Variants in FRMD4B observed in about 807,000 individuals in gnomAD.
FRMD4B encodes FERM domain containing 4B.
In FRMD4B, 74 loss-of-function variants were observed where a neutral mutation model predicts 141.5. The observed-to-expected ratio is 0.52, with a 90% confidence interval of 0.43 to 0.63. The LOEUF is 0.63. Among genes scored for constraint, FRMD4B ranks in the 30% least tolerant of loss-of-function variants. The pLI is 0.00. For missense variants in FRMD4B, 1,366 were observed against 1,253.4 expected (o/e 1.09, Z -1.36); for synonymous variants, 506 against 467.9 (o/e 1.08, Z -1.05).
At chr3:69,455,272 A>G (rs758931522) in intron 1 of FRMD4B, among the ~76,000 whole-genome samples, 2 of 152,230 alleles carry the variant, frequency 1.3e-5, no homozygotes, top group Non-Finnish European at 2.9e-5. Context: ...CACAGCAGTG[A>G]TAGGTTCAGG....
rs1487852560 is a variant in FRMD4B, at chr3:69,199,959, C to T, written c.877-1185G>A. Among the ~76,000 whole-genome samples the T allele has an allele frequency of 6.1e-5, 9 of 146,846 alleles. No individual in the cohort carries two copies. In the Admixed American group the frequency reaches 6.4e-4, roughly 10 times the overall value. ...TTCATGGTCAAATTCCTCTTCTCTGCCCCCAGACTTGATTAGGGAAATAAC... is the reference window on the plus strand; with the variant it reads ...TTCATGGTCAAATTCCTCTTCTCTGTCCCCAGACTTGATTAGGGAAATAAC... On this transcript the variant is annotated intron_variant, in intron 11 of 22. Coordinates refer to ENST00000398540, the MANE Select transcript of FRMD4B (RefSeq NM_015123.3).
chr3:69,376,875 A>G (rs1703986101), intron 1 of FRMD4B: 1 of 152,136 alleles, frequency 6.6e-6, no homozygotes, highest in Non-Finnish European at 1.5e-5. Flanking sequence ...TGGGACAACA[A>G]AAATATAATG....
intron 1 of FRMD4B, among the ~76,000 whole-genome samples, chr3:69,473,272 A>G (rs1166278751): frequency 6.6e-6 from 1 of 152,114 alleles, no homozygotes; most frequent in African/African-American, 2.4e-5. Context: ...GACAAGGGTG[A>G]GGTCAGGTGC....
At chr3:69,355,723 C>A (rs543089252) in intron 1 of FRMD4B, among the ~76,000 whole-genome samples, 238 of 152,038 alleles carry the variant, frequency 1.6e-3, no homozygotes, top group Admixed American at 4.3e-3. Context: ...TGGAGTCTAC[C>A]AGGAGTATTA....
intron 1 of FRMD4B, among the ~76,000 whole-genome samples, chr3:69,368,080 G>A (rs1383246635): frequency 6.6e-6 from 1 of 151,894 alleles, no homozygotes; most frequent in African/African-American, 2.4e-5. Context: ...CGTGGCCAAG[G>A]CCTTTTTCTA....
At position 69,196,892 on chromosome 3, in the gene FRMD4B, T is replaced by C. The variant is rs775844138; in HGVS notation, c.1092+8A>G. ...TCTGTCCCTATAGAAATGATGCCAGTTACTTACTTTGCTTTGCTTCCGGTC... is the reference window on the plus strand; with the variant it reads ...TCTGTCCCTATAGAAATGATGCCAGCTACTTACTTTGCTTTGCTTCCGGTC... On this transcript the variant is annotated splice_region_variant and intron_variant, in intron 13 of 22. Coordinates refer to ENST00000398540, the MANE Select transcript of FRMD4B (RefSeq NM_015123.3). 5.0e-6 allele frequency: 8 copies of C among 1,603,662 alleles called. No homozygotes were observed. The African/African-American group carries it at 5.4e-5, about 11-fold the overall frequency.
chr3:69,298,416 G>T (rs1051193772), intron 4 of FRMD4B, among the ~76,000 whole-genome samples: 23 of 152,302 alleles, frequency 1.5e-4, no homozygotes, highest in African/African-American at 4.6e-4. Context: ...AACTGGTCTT[G>T]CTGTGCCCTC....
At chr3:69,402,363 G>A (rs7643187) in intron 2 of FRMD4B, among the ~76,000 whole-genome samples, 9,371 of 152,240 alleles carry the variant, frequency 0.062, 883 homozygotes, top group African/African-American at 0.2. Flanking sequence ...ATGAGAAACT[G>A]GAGCCTTCAA....
At chr3:69,253,226 G>A (rs1406632850) in intron 5 of FRMD4B, among the ~76,000 whole-genome samples, 1 of 142,992 alleles carries the variant, frequency 7.0e-6, no homozygotes, top group Non-Finnish European at 1.5e-5. Context: ...GAGGCAATGA[G>A]GATCAGGAAG....
rs1704145055 is a variant in FRMD4B, at chr3:69,382,691, A to G, written c.162+3137T>C. 2.0e-5 allele frequency among the ~76,000 whole-genome samples: 3 copies of G among 151,390 alleles called. No individual in the cohort carries two copies. The South Asian group carries it at 6.3e-4, about 32-fold the overall frequency. ...AGTGCATGGCATCAGGAGTGGGTAC[A>G]GACCCTAAATTGGAGTTCCAGCATG... On this transcript the variant is annotated intron_variant, in intron 1 of 22. Transcript: ENST00000398540.
At chr3:69,316,025 A>G (rs1701794282) in intron 1 of FRMD4B, among the ~76,000 whole-genome samples, 1 of 152,232 alleles carries the variant, frequency 6.6e-6, no homozygotes, top group Admixed American at 6.5e-5. Flanking sequence ...ATCCCCATTT[A>G]ACAGCTAAAT....
chr3:69,455,048 T>C (rs1270596784), intron 1 of FRMD4B, among the ~76,000 whole-genome samples: 2 of 152,188 alleles, frequency 1.3e-5, no homozygotes, highest in African/African-American at 4.8e-5. Context: ...TATGTCTAGC[T>C]AAAGGATTGT....
intron 21 of FRMD4B, among the ~76,000 whole-genome samples, chr3:69,180,117 C>G (rs1221603915): frequency 6.6e-6 from 1 of 152,026 alleles, no homozygotes; most frequent in Non-Finnish European, 1.5e-5. Context: ...TATGCATGGC[C>G]AGGCACTGCG....
chr3:69,339,014 C>T (rs560664765), intron 1 of FRMD4B, among the ~76,000 whole-genome samples: 12 of 152,120 alleles, frequency 7.9e-5, no homozygotes, highest in African/African-American at 2.2e-4. Flanking sequence ...CAGATCTTTA[C>T]GCATCCCCCG....
At chr3:69,326,809 T>C (rs1292698159) in intron 1 of FRMD4B, among the ~76,000 whole-genome samples, 2 of 152,226 alleles carry the variant, frequency 1.3e-5, no homozygotes, top group Non-Finnish European at 2.9e-5. Flanking sequence ...TAGAAACTCA[T>C]GTTAGGCACC....
At chr3:69,372,315 A>C (rs1432327137) in intron 1 of FRMD4B, among the ~76,000 whole-genome samples, 2 of 152,186 alleles carry the variant, frequency 1.3e-5, no homozygotes, top group Non-Finnish European at 2.9e-5. Flanking sequence ...GTTGTATCCC[A>C]AGTGCCCAGA....
At chr3:69,278,745 C>A (rs1160861405) in intron 5 of FRMD4B, among the ~76,000 whole-genome samples, 1 of 152,076 alleles carries the variant, frequency 6.6e-6, no homozygotes, top group African/African-American at 2.4e-5. Flanking sequence ...CGCCACTGCA[C>A]CTGGCTAATT....
At chr3:69,518,111 G>A (rs1251377502) in intron 1 of FRMD4B, among the ~76,000 whole-genome samples, 1 of 152,100 alleles carries the variant, frequency 6.6e-6, no homozygotes, top group African/African-American at 2.4e-5. Flanking sequence ...GTGACCCCTA[G>A]CAAATAGGAG....
chr3:69,179,050 G>A (rs1296658781), intron 21 of FRMD4B, among the ~76,000 whole-genome samples: 1 of 151,970 alleles, frequency 6.6e-6, no homozygotes, highest in Admixed American at 6.6e-5. Flanking sequence ...CCTGCCTGTT[G>A]TAATACATTT....
Sources: gnomAD v4.1 joint callset for allele counts (sites outside exome capture counted in the v4.1 genomes callset) on GRCh38, gnomAD v4.1.1 for gene constraint, MANE v1.5 for transcripts, NCBI Gene and HGNC (gene_info 2026-07-23, HGNC 2026-07-21) for gene names.